IGFL4: variants seen among roughly 807,000 people sequenced by gnomAD.
IGFL4 encodes the protein insulin growth factor-like family member 4.
Under a neutral mutation model 15.4 loss-of-function variants are expected in IGFL4, and 12 were observed. That is an observed-to-expected ratio of 0.78 (90% CI 0.50 to 1.26). The LOEUF (loss-of-function observed/expected upper bound fraction) is 1.26, where lower values mean the gene tolerates loss of function less well. Among genes scored for constraint, IGFL4 ranks in the 50% most tolerant of loss-of-function variants. The pLI, the probability that IGFL4 is intolerant of heterozygous loss-of-function variation, is 0.00. For synonymous variants in IGFL4, 54 were observed against 55.9 expected (o/e 0.97, Z 0.16); for missense variants, 126 against 147.8 (o/e 0.85, Z 0.76).
At chr19:46,041,522 GAAC>G (rs1181058391), upstream of IGFL4, among the ~76,000 whole-genome samples, 4 of 151,864 alleles carry the variant, frequency 2.6e-5, no homozygotes, top group Non-Finnish European at 4.4e-5. Flanking sequence ...GTGCCAGGGA[GAAC>G]AACAACAACA....
chr19:46,056,458 T>C (rs1600674047), intron 2 of IGFL4, among the ~76,000 whole-genome samples: 1 of 152,216 alleles, frequency 6.6e-6, no homozygotes, highest in Non-Finnish European at 1.5e-5. Flanking sequence ...CAATTCCATC[T>C]TGTACTGCAT....
At chr19:46,077,325 C>T (rs1969615805), upstream of IGFL4, among the ~76,000 whole-genome samples, 1 of 151,974 alleles carries the variant, frequency 6.6e-6, no homozygotes, top group Admixed American at 6.5e-5. The surrounding 1 kb of genome is among the most constrained non-coding windows in gnomAD (Gnocchi z 5.4). Context: ...GCTCAAATCC[C>T]CGTGGAAGAT....
chr19:46,042,558 G>T (rs114440867), upstream of IGFL4, among the ~76,000 whole-genome samples: 5 of 152,160 alleles, frequency 3.3e-5, no homozygotes, highest in Admixed American at 1.3e-4. Flanking sequence ...AAAATCCCAC[G>T]GAACCCACTG....
At chr19:46,045,334 T>C (rs1331193941), upstream of IGFL4, among the ~76,000 whole-genome samples, 1 of 150,956 alleles carries the variant, frequency 6.6e-6, no homozygotes, top group Non-Finnish European at 1.5e-5. Flanking sequence ...TCCCAGATGC[T>C]GAGGAGGCTG....
chr19:46,063,820 T>A (rs566990251), intron 1 of IGFL4, among the ~76,000 whole-genome samples: 13 of 152,306 alleles, frequency 8.5e-5, no homozygotes, highest in African/African-American at 3.1e-4. Flanking sequence ...AATTTTGAAA[T>A]AAACAGAGCT....
upstream of IGFL4, among the ~76,000 whole-genome samples, chr19:46,044,055 A>G (rs1482799890): frequency 2.0e-5 from 3 of 152,162 alleles, no homozygotes; most frequent in Non-Finnish European, 4.4e-5. Flanking sequence ...AATGCAGGGT[A>G]GGGTGATGGT....
At chr19:46,053,737 T>C (rs1340623864) in intron 2 of IGFL4, among the ~76,000 whole-genome samples, 2 of 152,202 alleles carry the variant, frequency 1.3e-5, no homozygotes, top group Non-Finnish European at 2.9e-5. Flanking sequence ...TACATTCTAA[T>C]CAACAATGTG....
At chr19:46,046,529 C>A (rs560692410) in intron 2 of IGFL4, among the ~76,000 whole-genome samples, 5 of 152,214 alleles carry the variant, frequency 3.3e-5, no homozygotes, top group Admixed American at 2.0e-4. Flanking sequence ...ACATGTGGGA[C>A]ACACATAGGC....
At chr19:46,041,629 A>T (rs573856434), upstream of IGFL4, among the ~76,000 whole-genome samples, 84 of 152,010 alleles carry the variant, frequency 5.5e-4, no homozygotes, top group Non-Finnish European at 1.1e-3. Context: ...TTGTCCAAGA[A>T]AATGCTCCTG....
At chr19:46,073,827 T>C (rs150756517) in intron 1 of IGFL4, among the ~76,000 whole-genome samples, 94 of 152,312 alleles carry the variant, frequency 6.2e-4, no homozygotes, top group African/African-American at 2.2e-3. Flanking sequence ...TGGAAGTCTT[T>C]AAAGATAGAA....
Position 46,039,989 on chromosome 19 carries a change from A to G in IGFL4, c.331-53T>C, listed in dbSNP as rs1600667443. 5.8e-6 allele frequency: 9 copies of G among 1,549,718 alleles called. No homozygotes were observed. The East Asian group carries it at 2.0e-4, about 35-fold the overall frequency. ...GAATAAGAGGGAGGGTGGTAGCAGCAGTGGCGGGGAAGGAACAGAGACATG... is the reference window on the plus strand; with the variant it reads ...GAATAAGAGGGAGGGTGGTAGCAGCGGTGGCGGGGAAGGAACAGAGACATG... On this transcript the variant is annotated intron_variant, in intron 3 of 3. Coordinates refer to ENST00000377697, the MANE Select transcript of IGFL4 (RefSeq NM_001002923.3).
Position 46,039,864 on chromosome 19 carries a change from A to C in IGFL4, c.*28T>G, listed in dbSNP as rs769827059. ...TTACCAAGTATTAGATTCTAGAGTG[A>C]TCTGTGACTCTGCTACCCCAGAACA... On this transcript the variant is annotated 3_prime_UTR_variant, in exon 4 of 4. Coordinates refer to ENST00000377697, the MANE Select transcript of IGFL4 (RefSeq NM_001002923.3). 6.4e-7 allele frequency: 1 copy of C among 1,567,284 alleles called. No homozygotes were observed.
intron 1 of IGFL4, among the ~76,000 whole-genome samples, chr19:46,071,748 C>T (rs749685469): frequency 2.6e-5 from 4 of 152,206 alleles, no homozygotes; most frequent in African/African-American, 4.8e-5. Context: ...AGGTTGGGCA[C>T]GGTGGCTCAC....
At chr19:46,044,912 C>A (rs1484460834), upstream of IGFL4, among the ~76,000 whole-genome samples, 1 of 152,292 alleles carries the variant, frequency 6.6e-6, no homozygotes, top group African/African-American at 2.4e-5. Context: ...AAAAGAAAAA[C>A]AAACAGAAAA....
At position 46,040,802 on chromosome 19, in the gene IGFL4, A is replaced by T; in HGVS notation, c.19+142T>A. The T allele has an allele frequency of 1.1e-6, 1 of 944,116 alleles. No individual in the cohort carries two copies. Among genetic ancestry groups the T allele is most frequent in the South Asian group, 1.4e-5 (1 of 69,882 alleles). 58.5% of individuals were successfully genotyped at this position (944,116 alleles called of 1,614,324 possible). ...CAGTTCAGGAGACAGATTACAATGC[A>T]GTCACAGATGACATAGCAGTGATTA... On this transcript the variant is annotated intron_variant, in intron 1 of 3. Coordinates refer to ENST00000377697, the MANE Select transcript of IGFL4 (RefSeq NM_001002923.3). This position sits in a 1 kb window ranked among gnomAD's most constrained non-coding sequence, Gnocchi z 4.1.
chr19:46,054,586 C>G lies in IGFL4; in HGVS notation c.-323+5599G>C, dbSNP rs376325177. 4.6e-5 allele frequency among the ~76,000 whole-genome samples: 7 copies of G among 152,118 alleles called. No individual in the cohort carries two copies. The East Asian group carries it at 1.3e-3, about 29-fold the overall frequency. ...TTACTCAAGATTGCTTTGGCTTTTTCAGGTCTCTTGTGGTGTACTTTCATA... is the reference window on the plus strand; with the variant it reads ...TTACTCAAGATTGCTTTGGCTTTTTGAGGTCTCTTGTGGTGTACTTTCATA... On this transcript the variant is annotated intron_variant, in intron 2 of 5. Coordinates refer to the IGFL4 transcript ENST00000601672.
At chr19:46,066,408 G>A (rs1438049275) in intron 1 of IGFL4, among the ~76,000 whole-genome samples, 3 of 152,162 alleles carry the variant, frequency 2.0e-5, no homozygotes, top group Non-Finnish European at 4.4e-5. Flanking sequence ...ATCCATGAAA[G>A]CTCTCTCTAC....
intron 1 of IGFL4, among the ~76,000 whole-genome samples, chr19:46,074,654 C>G (rs1170935348): frequency 6.6e-6 from 1 of 152,082 alleles, no homozygotes; most frequent in Non-Finnish European, 1.5e-5. Context: ...CTGAGACAGT[C>G]TAGTCTTTTC....
chr19:46,066,182 A>G (rs1771075982), intron 1 of IGFL4, among the ~76,000 whole-genome samples: 1 of 152,206 alleles, frequency 6.6e-6, no homozygotes, highest in African/African-American at 2.4e-5. Flanking sequence ...TTGACACCAT[A>G]TATCAAGGAA....
Sources: gnomAD v4.1 joint callset for allele counts (sites outside exome capture counted in the v4.1 genomes callset) on GRCh38, gnomAD v4.1.1 for gene constraint, Gnocchi (gnomAD v3.1) non-coding constraint, MANE v1.5 for transcripts, NCBI Gene and HGNC (gene_info 2026-07-23, HGNC 2026-07-21) for gene names.